Variants in NRXN3 observed in about 807,000 individuals in gnomAD.
The protein encoded by NRXN3 is neurexin III.
A neutral mutation model predicts 137.6 loss-of-function variants in NRXN3; 32 were observed. The ratio of observed to expected loss-of-function variants is 0.23; its 90% confidence interval spans 0.18 to 0.31. The LOEUF is 0.31. Among genes scored for constraint, NRXN3 ranks in the 10% least tolerant of loss-of-function variants. The probability of loss-of-function intolerance (pLI) is 1.00; values close to 1 mark genes in which losing one functional copy is unlikely to be tolerated. For synonymous variants in NRXN3, 798 were observed against 784.5 expected, an observed-to-expected ratio of 1.02 and a Z score of -0.29; for missense variants, 1,574 against 2,062.5, an observed-to-expected ratio of 0.76 and a Z score of 4.59.
At chr14:79,725,511 A>G (rs2098880024) in intron 19 of NRXN3, among the ~76,000 whole-genome samples, 1 of 152,104 alleles carries the variant, frequency 6.6e-6, no homozygotes, top group Non-Finnish European at 1.5e-5. Flanking sequence ...CTTACTCTCC[A>G]CTAACTACCT....
chr14:79,082,698 T>A (rs2047300985), intron 15 of NRXN3, among the ~76,000 whole-genome samples: 1 of 152,144 alleles, frequency 6.6e-6, no homozygotes, highest in African/African-American at 2.4e-5. Context: ...TTTTTCCACC[T>A]TATCATGCAC....
intron 16 of NRXN3, among the ~76,000 whole-genome samples, chr14:79,471,646 A>G (rs76747079): frequency 1.3e-5 from 2 of 152,140 alleles, no homozygotes; most frequent in African/African-American, 4.8e-5. Context: ...AAGTTTTGAT[A>G]GGAGAGTTGG....
rs532028123 is a variant in NRXN3 at position 78,692,034 on chromosome 14, T to G, written c.1222-17183T>G. Among the ~76,000 whole-genome samples, 8 of 152,332 alleles carry G rather than the reference T, an allele frequency of 5.3e-5. No homozygotes were observed. The South Asian group carries it at 1.7e-3, about 32-fold the overall frequency. ...AACTCTGGGCCTATAAATTTAATTA[T>G]GTACTATTATTTACTAATATTATAT... On this transcript the variant is annotated intron_variant, in intron 6 of 20. Transcript: ENST00000335750.
At chr14:78,594,150 G>A (rs367831816) in intron 4 of NRXN3, among the ~76,000 whole-genome samples, 3 of 152,202 alleles carry the variant, frequency 2.0e-5, no homozygotes, top group East Asian at 1.9e-4. Context: ...CTTGGGAGGC[G>A]CCGATTGGCT....
At chr14:78,877,392 C>T (rs981111584) in intron 10 of NRXN3, among the ~76,000 whole-genome samples, 1 of 152,116 alleles carries the variant, frequency 6.6e-6, no homozygotes, top group African/African-American at 2.4e-5. Flanking sequence ...TGAAGCTTTC[C>T]CTGACTTCTC....
chr14:78,919,220 G>A (rs1037158818), intron 10 of NRXN3, among the ~76,000 whole-genome samples: 1 of 152,066 alleles, frequency 6.6e-6, no homozygotes, highest in African/African-American at 2.4e-5. Flanking sequence ...GCTAATATCT[G>A]TAATTCTGTG....
At chr14:78,416,542 T>C (rs959367051) in intron 4 of NRXN3, among the ~76,000 whole-genome samples, 1 of 152,248 alleles carries the variant, frequency 6.6e-6, no homozygotes, top group Non-Finnish European at 1.5e-5. Context: ...ATTTATCCTA[T>C]GTATTGTAAT....
chr14:79,767,392 T>A (rs575994221), intron 19 of NRXN3, among the ~76,000 whole-genome samples: 1 of 152,210 alleles, frequency 6.6e-6, no homozygotes, highest in Non-Finnish European at 1.5e-5. Context: ...ACTCACGTTA[T>A]TTTTTTACTC....
chr14:79,169,501 C>T (rs2061581478), intron 15 of NRXN3, among the ~76,000 whole-genome samples: 1 of 152,028 alleles, frequency 6.6e-6, no homozygotes, highest in South Asian at 2.1e-4. Context: ...ATTTTTTCAC[C>T]TTTTCTTTCT....
chr14:78,419,925 A>T (rs2093347690), intron 4 of NRXN3, among the ~76,000 whole-genome samples: 2 of 150,706 alleles, frequency 1.3e-5, no homozygotes. Flanking sequence ...TAATGTATAT[A>T]TATCTGTGTG....
At chr14:79,066,852 AC>A (rs2099681398) in intron 15 of NRXN3, among the ~76,000 whole-genome samples, 1 of 152,166 alleles carries the variant, frequency 6.6e-6, no homozygotes, top group Admixed American at 6.5e-5. Context: ...TTATCAGCTT[AC>A]GAAGCCTTTG....
At chr14:78,450,354 A>G (rs2094522204) in intron 4 of NRXN3, among the ~76,000 whole-genome samples, 1 of 152,146 alleles carries the variant, frequency 6.6e-6, no homozygotes, top group Non-Finnish European at 1.5e-5. Flanking sequence ...CAGGTTTGGG[A>G]TGTGTTTGTG....
Position 78,726,959 on chromosome 14 carries a change from T to TAA in NRXN3, c.2044+11838_2044+11839dup, listed in dbSNP as rs55802240. Among the ~76,000 whole-genome samples, 61 of 121,002 alleles carry TAA rather than the reference T, an allele frequency of 5.0e-4. No homozygotes were observed. In the East Asian group the frequency reaches 6.1e-3, roughly 12 times the overall value. The allele number at this position is 121,002 out of a possible 152,430, so 79.4% of individuals were successfully genotyped here. A position where few individuals can be genotyped will look rare whatever the true frequency, so the allele number is the denominator to read the frequency against. On this transcript the variant is annotated intron_variant, in intron 8 of 20. Transcript: ENST00000335750. ...TGGGAGCTATACAGGATTTATTCACTAAAAAAAAAAAAAAAAAAACCTTCA... is the reference window on the plus strand; with the variant it reads ...TGGGAGCTATACAGGATTTATTCACTAAAAAAAAAAAAAAAAAAAAACCTTCA...
chr14:79,227,795 T>TTCCTTCCTTCCC (rs1568684986), intron 15 of NRXN3, among the ~76,000 whole-genome samples: 5 of 30,670 alleles, frequency 1.6e-4, no homozygotes, highest in Admixed American at 4.7e-4. Flanking sequence ...CCCTCCTCCC[T>TTCCTTCCTTCCC]TCCTCCCTTC....
At chr14:79,091,625 A>G (rs2049212199) in intron 15 of NRXN3, among the ~76,000 whole-genome samples, 1 of 152,146 alleles carries the variant, frequency 6.6e-6, no homozygotes, top group African/African-American at 2.4e-5. Flanking sequence ...TGCTGAGGGT[A>G]TTATTGTAAA....
chr14:79,267,722 AT>A (rs1192780671), intron 15 of NRXN3, among the ~76,000 whole-genome samples: 1 of 148,850 alleles, frequency 6.7e-6, no homozygotes. Context: ...GCCTCAAGTG[AT>A]TCCCCCTGAC....
intron 4 of NRXN3, among the ~76,000 whole-genome samples, chr14:78,566,382 T>G (rs1389221056): frequency 9.5e-6 from 1 of 105,314 alleles, no homozygotes; most frequent in African/African-American, 6.4e-5. Context: ...AAATGTTGGT[T>G]TTTTTTTTTT....
chr14:78,216,196 T>A (rs2063263415), intron 1 of NRXN3, among the ~76,000 whole-genome samples: 1 of 152,110 alleles, frequency 6.6e-6, no homozygotes. Context: ...AGACAGATTT[T>A]TTTTTTCTTC....
intron 15 of NRXN3, among the ~76,000 whole-genome samples, chr14:79,272,900 C>T (rs886379480): frequency 6.6e-6 from 1 of 152,080 alleles, no homozygotes; most frequent in Non-Finnish European, 1.5e-5. Flanking sequence ...GGGCCGGGTG[C>T]GGTGGCTCAC....
Sources: gnomAD v4.1 joint callset for allele counts (sites outside exome capture counted in the v4.1 genomes callset) on GRCh38, gnomAD v4.1.1 for gene constraint, MANE v1.5 for transcripts, NCBI Gene and HGNC (gene_info 2026-07-23, HGNC 2026-07-21) for gene names.